The following MED13L variants were observed in gnomAD, a reference collection of about 807,000 sequenced individuals.
MED13L encodes the protein mediator of RNA polymerase II transcription subunit 13-like.
Under a neutral mutation model 220.9 loss-of-function variants are expected in MED13L, and 7 were observed. The ratio of observed to expected loss-of-function variants is 0.03; its 90% CI spans 0.02 to 0.06. MED13L has a LOEUF of 0.06. MED13L is among the 10% of genes least tolerant of loss of function. The pLI is 1.00. For synonymous variants in MED13L, 1,011 were observed against 1,015.2 expected, an observed-to-expected ratio of 1.00 and a Z score of 0.08; for missense variants, 1,965 against 2,760.5, an observed-to-expected ratio of 0.71 and a Z score of 6.46.
chr12:116,061,084 C>G (rs1051123895), intron 4 of MED13L, among the ~76,000 whole-genome samples: 1 of 152,162 alleles, frequency 6.6e-6, no homozygotes, highest in Non-Finnish European at 1.5e-5. Flanking sequence ...TATGAGGTCT[C>G]AGGAAACTAA....
At chr12:116,074,852 C>T (rs1205581948) in intron 4 of MED13L, among the ~76,000 whole-genome samples, 2 of 152,254 alleles carry the variant, frequency 1.3e-5, no homozygotes, top group Non-Finnish European at 2.9e-5. Flanking sequence ...GTATGCAGAC[C>T]ACTGCATATA....
rs1225825319 is a variant in MED13L, at chr12:116,144,628, C to T, written c.311-33116G>A. Among the ~76,000 whole-genome samples, 3 of 152,148 alleles carry T rather than the reference C, an allele frequency of 2.0e-5. No individual in the cohort carries two copies. In the South Asian group the frequency reaches 6.2e-4, roughly 32 times the overall value. The stretch of plus-strand genomic sequence containing the variant: ...AATTCAGAGTACATTTTCTGAAACT[C>T]CAACTACTTTATGCAAACATTTTTA... On this transcript the variant is annotated intron_variant, in intron 2 of 30. Coordinates refer to ENST00000281928, the MANE Select transcript of MED13L (RefSeq NM_015335.5).
intron 3 of MED13L, among the ~76,000 whole-genome samples, chr12:116,107,394 AC>A (rs557341521): frequency 1.3e-5 from 2 of 152,256 alleles, no homozygotes; most frequent in South Asian, 4.1e-4. Context: ...AAGTCACATT[AC>A]CATAGAATTT....
intron 1 of MED13L, among the ~76,000 whole-genome samples, chr12:116,270,410 G>A (rs1256798549): frequency 2.6e-5 from 4 of 152,118 alleles, no homozygotes; most frequent in Non-Finnish European, 5.9e-5. Context: ...CCCGCAAAGT[G>A]ATGGGATTAC....
At chr12:116,235,962 A>G (rs1252868767) in intron 2 of MED13L, among the ~76,000 whole-genome samples, 1 of 152,194 alleles carries the variant, frequency 6.6e-6, no homozygotes, top group Non-Finnish European at 1.5e-5. Context: ...AAAGATAAGA[A>G]AGACACTTTT....
At chr12:116,183,820 A>ATGTGTGTGTGTGTG (rs57716114) in intron 2 of MED13L, among the ~76,000 whole-genome samples, 4 of 146,592 alleles carry the variant, frequency 2.7e-5, no homozygotes, top group South Asian at 2.1e-4. Flanking sequence ...GTGTGTGTGT[A>ATGTGTGTGTGTGTG]TGTGTGTGTG....
At chr12:115,964,536 T>A (rs1340025303) in intron 29 of MED13L, among the ~76,000 whole-genome samples, 2 of 152,206 alleles carry the variant, frequency 1.3e-5, no homozygotes, top group Non-Finnish European at 2.9e-5. Context: ...TTTCTCTTTA[T>A]TTTTTTATTT....
intron 2 of MED13L, among the ~76,000 whole-genome samples, chr12:116,196,938 A>G (rs1371954851): frequency 6.6e-6 from 1 of 152,216 alleles, no homozygotes; most frequent in African/African-American, 2.4e-5. Flanking sequence ...ATACTTAGTA[A>G]TTCTTTTTGA....
At chr12:116,132,694 G>A (rs1412205116) in intron 2 of MED13L, among the ~76,000 whole-genome samples, 3 of 152,112 alleles carry the variant, frequency 2.0e-5, no homozygotes, top group East Asian at 1.9e-4. Flanking sequence ...GCCGAGGTGG[G>A]TGGATCTTTG....
chr12:116,147,125 A>C (rs1344601441), intron 2 of MED13L, among the ~76,000 whole-genome samples: 1 of 152,198 alleles, frequency 6.6e-6, no homozygotes, highest in African/African-American at 2.4e-5. Flanking sequence ...ACAAACATTT[A>C]TTATGCAAAC....
intron 1 of MED13L, among the ~76,000 whole-genome samples, chr12:116,270,973 C>T (rs1173122021): frequency 1.6e-5 from 2 of 125,830 alleles, no homozygotes; most frequent in Non-Finnish European, 3.1e-5. Flanking sequence ...ACCCAGGAGG[C>T]GGAGGTTGCA....
intron 25 of MED13L, 132 bp from the exon 26 acceptor site, chr12:115,972,368 A>G (rs1246137867): frequency 6.0e-6 from 6 of 998,874 alleles, no homozygotes; most frequent in Admixed American, 3.9e-5. Flanking sequence ...GGCTTTACAT[A>G]TGTTCCCCTC....
chr12:115,969,953 CTA>C (rs1182762282), intron 27 of MED13L, among the ~76,000 whole-genome samples: 8 of 152,026 alleles, frequency 5.3e-5, no homozygotes, highest in Admixed American at 5.2e-4. Flanking sequence ...TCATTTTTTT[CTA>C]TGATTCTTTT....
At chr12:116,193,841 C>T (rs10507270) in intron 2 of MED13L, among the ~76,000 whole-genome samples, 16,181 of 152,126 alleles carry the variant, frequency 0.11, 1,601 homozygotes, top group East Asian at 0.39. Flanking sequence ...CACAAGTAAA[C>T]CGATCACTGT....
intron 7 of MED13L, among the ~76,000 whole-genome samples, 183 bp downstream of exon 7, chr12:116,019,041 T>C (rs190856777): frequency 1.6e-4 from 24 of 152,314 alleles, no homozygotes; most frequent in Admixed American, 1.2e-3. Flanking sequence ...GAGTTAAAAT[T>C]CTGAAGTGTA....
intron 4 of MED13L, among the ~76,000 whole-genome samples, chr12:116,029,238 C>T (rs1165439427): frequency 2.3e-4 from 18 of 78,732 alleles, no homozygotes; most frequent in African/African-American, 9.1e-4. Flanking sequence ...CAGAGAAAAG[C>T]TTCTCTGAAA....
intron 3 of MED13L, among the ~76,000 whole-genome samples, chr12:116,101,814 TCAAG>T (rs1379299854): frequency 6.6e-6 from 1 of 152,148 alleles, no homozygotes; most frequent in Non-Finnish European, 1.5e-5. Context: ...AATAAATAAA[TCAAG>T]CAGACACACT....
At chr12:116,142,448 G>C (rs1012122903) in intron 2 of MED13L, among the ~76,000 whole-genome samples, 1 of 152,152 alleles carries the variant, frequency 6.6e-6, no homozygotes, top group African/African-American at 2.4e-5. Context: ...AGCATTCTGG[G>C]AGGCCGAAGC....
intron 2 of MED13L, among the ~76,000 whole-genome samples, chr12:116,205,942 GTT>G (rs11295233): frequency 0.027 from 3,379 of 125,262 alleles, 57 homozygotes; most frequent in Middle Eastern, 0.068. Flanking sequence ...CTAAAAACTT[GTT>G]TTTTTTTTTT....
Sources: gnomAD v4.1 joint callset for allele counts (sites outside exome capture counted in the v4.1 genomes callset) on GRCh38, gnomAD v4.1.1 for gene constraint, MANE v1.5 for transcripts, NCBI Gene and HGNC (gene_info 2026-07-23, HGNC 2026-07-21) for gene names.